The following HSD17B12 variants were observed in gnomAD, a reference collection of about 807,000 sequenced individuals.
The protein encoded by HSD17B12 is very-long-chain 3-oxoacyl-CoA reductase.
In HSD17B12, 32 loss-of-function variants were observed where a neutral mutation model predicts 39.3. That is an observed-to-expected ratio of 0.81 (90% CI 0.61 to 1.09). The LOEUF (loss-of-function observed/expected upper bound fraction) is 1.09, where lower values mean the gene tolerates loss of function less well. HSD17B12 is among the 50% of genes least tolerant of loss of function. The pLI, the probability that HSD17B12 is intolerant of heterozygous loss-of-function variation, is 0.00. For synonymous variants in HSD17B12, 150 were observed against 146.7 expected, an observed-to-expected ratio of 1.02 and a Z score of -0.16; for missense variants, 342 against 382.9, an observed-to-expected ratio of 0.89 and a Z score of 0.89.
intron 3 of HSD17B12, among the ~76,000 whole-genome samples, chr11:43,792,121 G>A (rs1398175322): frequency 6.6e-6 from 1 of 152,194 alleles, no homozygotes; most frequent in African/African-American, 2.4e-5. Context: ...GTTGGGGGAT[G>A]TCTCACCCCA....
At chr11:43,793,249 T>C (rs775391216) in intron 3 of HSD17B12, among the ~76,000 whole-genome samples, 20 of 152,198 alleles carry the variant, frequency 1.3e-4, no homozygotes, top group Non-Finnish European at 2.5e-4. Context: ...TGTTATAATA[T>C]GGAAAAAGTG....
At chr11:43,661,441 C>A in the HSD17B12 span, among the ~76,000 whole-genome samples, 1 of 152,122 alleles carries the variant, frequency 6.6e-6, no homozygotes, top group South Asian at 2.1e-4. Context: ...CTAAGAAAGT[C>A]CTTGATAAGT....
At chr11:43,582,808 A>G in the HSD17B12 span, among the ~76,000 whole-genome samples, 1 of 152,310 alleles carries the variant, frequency 6.6e-6, no homozygotes, top group African/African-American at 2.4e-5. Flanking sequence ...ACGGAAGGCG[A>G]GCACTCCAAG....
At chr11:43,716,804 C>T (rs1254091260) in intron 1 of HSD17B12, among the ~76,000 whole-genome samples, 3 of 150,106 alleles carry the variant, frequency 2.0e-5, no homozygotes, top group East Asian at 3.9e-4. Context: ...GGAGAAACAT[C>T]TGGCATGGTG....
intron 3 of HSD17B12, among the ~76,000 whole-genome samples, chr11:43,778,787 C>G (rs1050863234): frequency 4.6e-5 from 7 of 151,136 alleles, no homozygotes; most frequent in African/African-American, 1.5e-4. Context: ...ATTCAACAAC[C>G]CTTCATGCTA....
the HSD17B12 span, among the ~76,000 whole-genome samples, chr11:43,619,177 AT>A: frequency 1.3e-5 from 1 of 79,760 alleles, no homozygotes; most frequent in African/African-American, 4.3e-5. Context: ...ATATATATAT[AT>A]ATAAAATATA....
chr11:43,612,189 T>G, the HSD17B12 span, among the ~76,000 whole-genome samples: 1 of 152,332 alleles, frequency 6.6e-6, no homozygotes, highest in Non-Finnish European at 1.5e-5. Context: ...GCTGTATTTA[T>G]GAAATTTTAT....
chr11:43,572,521 C>A, the HSD17B12 span, among the ~76,000 whole-genome samples: 4 of 152,152 alleles, frequency 2.6e-5, no homozygotes, highest in South Asian at 4.2e-4. Flanking sequence ...TGAATTTGAT[C>A]TGATCCTTAG....
At chr11:43,705,963 A>T (rs1414263900) in intron 1 of HSD17B12, among the ~76,000 whole-genome samples, 1 of 151,788 alleles carries the variant, frequency 6.6e-6, no homozygotes, top group South Asian at 2.1e-4. Context: ...GGGTTTCACT[A>T]TATTGCCTAG....
chr11:43,572,357 A>T, the HSD17B12 span, among the ~76,000 whole-genome samples: 2 of 152,228 alleles, frequency 1.3e-5, no homozygotes, highest in African/African-American at 4.8e-5. Flanking sequence ...TAGGAGGAAT[A>T]GATCAGTCTC....
intron 1 of HSD17B12, among the ~76,000 whole-genome samples, chr11:43,713,266 C>G (rs1950087159): frequency 6.7e-6 from 1 of 148,438 alleles, no homozygotes; most frequent in Admixed American, 6.7e-5. Context: ...TCTCCTAATG[C>G]TATCCCTCCC....
intron 3 of HSD17B12, among the ~76,000 whole-genome samples, chr11:43,762,957 G>A (rs1184262718): frequency 2.0e-5 from 3 of 152,112 alleles, no homozygotes; most frequent in Non-Finnish European, 4.4e-5. Flanking sequence ...TGATTTAATA[G>A]TTCTTCCCAT....
chr11:43,616,063 A>G, the HSD17B12 span, among the ~76,000 whole-genome samples: 1 of 152,250 alleles, frequency 6.6e-6, no homozygotes, highest in Non-Finnish European at 1.5e-5. Context: ...TCAAGCAAAT[A>G]TAAAAGAAGA....
At position 43,732,079 on chromosome 11, in the gene HSD17B12, T is replaced by C. The variant is rs544482289; in HGVS notation, c.161-18832T>C. ...GTGGTAGGAGGGACCTGGTGGGAGG[T>C]AATTGAATCTTGGGGTGGTTACCTC... On this transcript the variant is annotated intron_variant, in intron 1 of 10. Coordinates refer to ENST00000278353, the MANE Select transcript of HSD17B12 (RefSeq NM_016142.3). Among the ~76,000 whole-genome samples the C allele has an allele frequency of 3.9e-5, 6 of 152,072 alleles. No homozygotes were observed. In the South Asian group the frequency reaches 1.2e-3, roughly 32 times the overall value.
At chr11:43,819,684 GT>G (rs1197695692) in intron 6 of HSD17B12, among the ~76,000 whole-genome samples, 3 of 152,148 alleles carry the variant, frequency 2.0e-5, no homozygotes, top group African/African-American at 7.2e-5. Context: ...CATGAAATGA[GT>G]TAGTGGAGAC....
the HSD17B12 span, among the ~76,000 whole-genome samples, chr11:43,607,601 T>G: frequency 1.3e-4 from 20 of 152,272 alleles, no homozygotes; most frequent in African/African-American, 4.8e-4. Context: ...AGGTAGGAAC[T>G]AATAATATAC....
At chr11:43,611,210 A>C in the HSD17B12 span, among the ~76,000 whole-genome samples, 1 of 152,194 alleles carries the variant, frequency 6.6e-6, no homozygotes, top group Non-Finnish European at 1.5e-5. Flanking sequence ...TATCATTTTT[A>C]AAAAGGTATA....
At chr11:43,631,981 G>A in the HSD17B12 span, among the ~76,000 whole-genome samples, 1 of 152,128 alleles carries the variant, frequency 6.6e-6, no homozygotes, top group Non-Finnish European at 1.5e-5. Flanking sequence ...CAGCTGGTCG[G>A]TTACTACTGA....
the HSD17B12 span, among the ~76,000 whole-genome samples, chr11:43,588,610 C>CCATTATTATTATTATTAT: frequency 4.2e-4 from 61 of 144,982 alleles, no homozygotes; most frequent in East Asian, 5.3e-3. Flanking sequence ...TTATTATTAG[C>CCATTATTATTATTATTAT]TATTATTATT....
Sources: allele counts gnomAD v4.1 joint callset (sites outside exome capture counted in the v4.1 genomes callset), GRCh38; gene constraint gnomAD v4.1.1; transcripts MANE v1.5; gene names NCBI Gene and HGNC (gene_info 2026-07-23, HGNC 2026-07-21).